The following COL28A1 variants were observed in gnomAD, a reference collection of about 807,000 sequenced individuals.
COL28A1 encodes collagen type XXVIII alpha 1 chain.
Under a neutral mutation model 150.2 loss-of-function variants are expected in COL28A1, and 161 were observed. The ratio of observed to expected loss-of-function variants is 1.07; its 90% CI spans 0.94 to 1.22. The LOEUF is 1.22. Ranked by LOEUF, COL28A1 falls within the 50% of genes most tolerant of loss-of-function variation. COL28A1 has a pLI of 0.00. For synonymous variants in COL28A1, 552 were observed against 469.7 expected (o/e 1.18, Z -2.26); for missense variants, 1,617 against 1,388.3 (o/e 1.16, Z -2.62).
In COL28A1 at chr7:7,373,384, T is replaced by C. The variant is rs1244330639; in HGVS notation, c.2522A>G (p.Asn841Ser). 1.2e-6 allele frequency: 2 copies of C among 1,614,094 alleles called. No homozygotes were observed. The highest frequency in any genetic ancestry group is 2.7e-5 in the African/African-American group (2 of 74,926). Residue 841 changes from asparagine to serine, a missense_variant, in exon 32 of 35, where the codon AAC becomes AGC. Asn to Ser is a conservative substitution (Grantham distance 46). Transcript: ENST00000399429. This position sits in a 1 kb window ranked among gnomAD's most constrained non-coding sequence, Gnocchi z 4.1. ...DLATARIGII[N>S]YSHKVEKVAN... The stretch of plus-strand genomic sequence containing the variant: ...CACCTTCTCCACCTTATGGCTATAG[T>C]TGATTATGCCTATGCGGGCCGTGGC...
At chr7:7,477,788 G>A (rs754490006) in intron 13 of COL28A1, among the ~76,000 whole-genome samples, 2 of 152,154 alleles carry the variant, frequency 1.3e-5, no homozygotes, top group East Asian at 1.9e-4. Flanking sequence ...ACCCCAGCAG[G>A]TTGCCTCTGC....
intron 27 of COL28A1, among the ~76,000 whole-genome samples, chr7:7,397,824 A>G (rs180853777): frequency 2.0e-5 from 3 of 152,326 alleles, no homozygotes; most frequent in Admixed American, 2.0e-4. Flanking sequence ...TCCACCCACC[A>G]GCCAAACAGA....
intron 3 of COL28A1, among the ~76,000 whole-genome samples, chr7:7,527,675 AG>A (rs1782105933): frequency 6.6e-6 from 1 of 152,172 alleles, no homozygotes; most frequent in Non-Finnish European, 1.5e-5. Flanking sequence ...AAATAGGGAA[AG>A]GGTCTCATGA....
intron 15 of COL28A1, among the ~76,000 whole-genome samples, chr7:7,461,683 C>T (rs1258751433): frequency 6.6e-6 from 1 of 152,090 alleles, no homozygotes; most frequent in African/African-American, 2.4e-5. Flanking sequence ...TATACAATTC[C>T]ATTGATCTGG....
chr7:7,540,280 T>C (rs866858483), upstream of COL28A1, among the ~76,000 whole-genome samples: 1 of 152,246 alleles, frequency 6.6e-6, no homozygotes, highest in African/African-American at 2.4e-5. Flanking sequence ...TAAACTCTGC[T>C]TTAAATGGCA....
intron 27 of COL28A1, among the ~76,000 whole-genome samples, chr7:7,413,614 G>C (rs1212008065): frequency 6.6e-6 from 1 of 152,168 alleles, no homozygotes; most frequent in Non-Finnish European, 1.5e-5. Context: ...CTGGGTTTAA[G>C]TGGTAAAGAG....
At chr7:7,399,391 C>A (rs1326816693) in intron 27 of COL28A1, among the ~76,000 whole-genome samples, 5 of 152,184 alleles carry the variant, frequency 3.3e-5, no homozygotes, top group African/African-American at 1.2e-4. Flanking sequence ...CACATCCTAT[C>A]TGTCCTACTT....
At position 7,452,347 on chromosome 7, in the gene COL28A1, G is replaced by A; in HGVS notation, c.1481C>T (p.Pro494Leu). ...TGGACCTTGTACTCCAATTCCCACT[G>A]GTCCTCGAGGGCCTGTAGGTCCCAT... ...GQMGPTGPRGPVGIGVQGPKG... is the reference protein window; with the variant it reads ...GQMGPTGPRGLVGIGVQGPKG... The change falls in exon 18 of 35, where the codon CCA (proline) becomes CTA (leucine). Residue 494 changes from proline to leucine, a missense_variant. Physicochemically the swap from Pro to Leu is moderately conservative, Grantham distance 98 (BLOSUM62 -3). Transcript: ENST00000399429. The A allele has an allele frequency of 6.2e-7, 1 of 1,606,244 alleles. No individual in the cohort carries two copies. Among genetic ancestry groups the A allele is most frequent in the Non-Finnish European group, 8.5e-7 (1 of 1,178,230 alleles).
At chr7:7,525,820 A>C (rs770252583) in intron 3 of COL28A1, among the ~76,000 whole-genome samples, 3 of 152,210 alleles carry the variant, frequency 2.0e-5, no homozygotes, top group Non-Finnish European at 4.4e-5. Flanking sequence ...GGCCTTGGAC[A>C]AGTCATACAA....
chr7:7,507,712 CT>C (rs932312295), intron 9 of COL28A1, among the ~76,000 whole-genome samples: 90 of 146,482 alleles, frequency 6.1e-4, no homozygotes, highest in Admixed American at 8.2e-4. Context: ...CAGATTTCCA[CT>C]TTTTTTTTTT....
chr7:7,501,517 C>T (rs1367260413), intron 11 of COL28A1, among the ~76,000 whole-genome samples: 1 of 152,014 alleles, frequency 6.6e-6, no homozygotes, highest in Non-Finnish European at 1.5e-5. Context: ...AAGGAAATGC[C>T]CTTCAGAAAT....
chr7:7,410,736 G>T (rs1783742030), intron 27 of COL28A1, among the ~76,000 whole-genome samples: 1 of 151,664 alleles, frequency 6.6e-6, no homozygotes, highest in Admixed American at 6.6e-5. Flanking sequence ...TAAAATATAT[G>T]TGTGTTGCTC....
At chr7:7,509,018 G>T (rs1345409302) in intron 9 of COL28A1, among the ~76,000 whole-genome samples, 1 of 152,148 alleles carries the variant, frequency 6.6e-6, no homozygotes, top group Non-Finnish European at 1.5e-5. Flanking sequence ...ATTTTTAGTA[G>T]AGATAGGGTT....
chr7:7,374,758 C>T (rs1411123893), intron 31 of COL28A1, among the ~76,000 whole-genome samples: 4 of 152,144 alleles, frequency 2.6e-5, no homozygotes, highest in Admixed American at 6.5e-5. Context: ...AGAGAGACTC[C>T]CAGGCTGCTT....
At position 7,531,867 on chromosome 7, in the gene COL28A1, G is replaced by C. The variant is rs201148305; in HGVS notation, c.162C>G (p.Asp54Glu). ...GGGCAATTTTAGAACTTTCAGAGCTGTCCACGATGAAGACAATATCTATGA... is the reference window on the plus strand; with the variant it reads ...GGGCAATTTTAGAACTTTCAGAGCTCTCCACGATGAAGACAATATCTATGA... ...ICFIDIVFIV[D>E]SSESSKIALF... is the part of the protein sequence containing the mutation. The change falls in exon 3 of 35, where the codon GAC (aspartate) becomes GAG (glutamate). Residue 54 changes from aspartate (D) to glutamate (E), a missense_variant. By Grantham distance (45) the Asp-to-Glu change is conservative (BLOSUM62 2). Transcript: ENST00000399429. The C allele has an allele frequency of 6.2e-7, 1 of 1,609,076 alleles. No individual in the cohort carries two copies. The highest frequency in any genetic ancestry group is 2.2e-5 in the East Asian group (1 of 44,860).
At chr7:7,506,365 C>G (rs964939470) in intron 10 of COL28A1, among the ~76,000 whole-genome samples, 2 of 152,154 alleles carry the variant, frequency 1.3e-5, no homozygotes, top group Non-Finnish European at 2.9e-5. Flanking sequence ...AAATATTTTG[C>G]CAGTTAAGTA....
At chr7:7,382,271 C>T (rs1434763392) in intron 27 of COL28A1, among the ~76,000 whole-genome samples, 2 of 151,544 alleles carry the variant, frequency 1.3e-5, no homozygotes, top group Non-Finnish European at 2.9e-5. Context: ...GATTGCACCA[C>T]TGCACTCCAG....
At chr7:7,447,366 C>G (rs1394047174) in intron 18 of COL28A1, among the ~76,000 whole-genome samples, 1 of 151,842 alleles carries the variant, frequency 6.6e-6, no homozygotes, top group African/African-American at 2.4e-5. Flanking sequence ...ACAGCTTGAG[C>G]CCAAGAATTC....
At chr7:7,543,065 G>A in the COL28A1 span, among the ~76,000 whole-genome samples, 4 of 152,158 alleles carry the variant, frequency 2.6e-5, no homozygotes, top group East Asian at 1.9e-4. Flanking sequence ...GATAAAGAAC[G>A]TATGGTATAA....
Sources: gnomAD v4.1 joint callset for allele counts (sites outside exome capture counted in the v4.1 genomes callset) on GRCh38, gnomAD v4.1.1 for gene constraint, Gnocchi (gnomAD v3.1) non-coding constraint, MANE v1.5 for transcripts, NCBI Gene and HGNC (gene_info 2026-07-23, HGNC 2026-07-21) for gene names.